Variants in PCNX1 observed in about 807,000 individuals in gnomAD.
The protein encoded by PCNX1 is pecanex-like protein 1.
A neutral mutation model predicts 242.2 loss-of-function variants in PCNX1; 78 were observed. That is an observed-to-expected ratio of 0.32 (90% CI 0.27 to 0.39). The LOEUF (loss-of-function observed/expected upper bound fraction) is 0.39, where lower values mean the gene tolerates loss of function less well. PCNX1 is among the 10% of genes least tolerant of loss of function. The pLI is 1.00. For synonymous variants in PCNX1, 1,024 were observed against 1,032.9 expected (o/e 0.99, Z 0.17); for missense variants, 2,581 against 2,856.5 (o/e 0.90, Z 2.20).
chr14:70,907,807 G>C lies in PCNX1; in HGVS notation c.-44G>C, dbSNP rs2055623532. On this transcript the variant is annotated 5_prime_UTR_variant, in exon 1 of 36. Transcript: ENST00000304743. Reference sequence around the variant, plus strand: ...GAGGCCGAGCTGGGGCCGGGGCGGGGACGGCGGCGGCGGCGGCGGCGACGG... The same window carrying C: ...GAGGCCGAGCTGGGGCCGGGGCGGGCACGGCGGCGGCGGCGGCGGCGACGG... The C allele has an allele frequency of 9.7e-6, 12 of 1,234,576 alleles. No homozygotes were observed. Among genetic ancestry groups the C allele is most frequent in the Middle Eastern group, 3.2e-4 (1 of 3,108 alleles). The allele number at this position is 1,234,576 out of a possible 1,614,324, so 76.5% of individuals were successfully genotyped here.
intron 17 of PCNX1, 78 bp from the exon 18 acceptor site, chr14:71,033,853 C>T (rs1205391442): frequency 6.4e-6 from 5 of 779,058 alleles, no homozygotes; most frequent in Non-Finnish European, 1.1e-5. Flanking sequence ...GGTTTTCTAT[C>T]ATAAACTTCA....
chr14:71,050,603 C>T, intron 22 of PCNX1, 49 bp from the exon 23 acceptor site: 1 of 1,482,778 alleles, frequency 6.7e-7, no homozygotes, highest in Non-Finnish European at 9.1e-7. Flanking sequence ...ATTCAAATAT[C>T]TGATAAGTTT....
chr14:71,015,457 C>A (rs142697359), intron 11 of PCNX1, among the ~76,000 whole-genome samples: 249 of 152,172 alleles, frequency 1.6e-3, no homozygotes, highest in African/African-American at 5.7e-3. Context: ...TTGTAAGTTT[C>A]TTATATGTAA....
At chr14:70,969,308 T>C (rs937792855) in intron 5 of PCNX1, 198 bp downstream of exon 5, 3 of 486,258 alleles carry the variant, frequency 6.2e-6, no homozygotes, top group East Asian at 3.6e-5. Flanking sequence ...CAGTTATACA[T>C]GTTCTGCCAG....
chr14:71,053,723 A>G (rs34257131), intron 24 of PCNX1, among the ~76,000 whole-genome samples: 54,471 of 152,148 alleles, frequency 0.36, 10,038 homozygotes, highest in East Asian at 0.62. Flanking sequence ...TCAAATGTTT[A>G]CTTATTAACT....
intron 1 of PCNX1, among the ~76,000 whole-genome samples, chr14:70,934,362 AGAAAACAAAGT>A (rs1193860724): frequency 1.3e-5 from 2 of 151,664 alleles, no homozygotes; most frequent in African/African-American, 4.8e-5. Flanking sequence ...CTTACTGGAG[AGAAAACAAAGT>A]GAAATATTTA....
intron 6 of PCNX1, among the ~76,000 whole-genome samples, chr14:70,980,122 G>GA (rs2058795105): frequency 6.6e-6 from 1 of 151,988 alleles, no homozygotes; most frequent in South Asian, 2.1e-4. Flanking sequence ...TGCTATGATA[G>GA]AAAAATATTG....
chr14:71,094,256 A>G (rs2062213331), intron 30 of PCNX1, among the ~76,000 whole-genome samples: 1 of 152,240 alleles, frequency 6.6e-6, no homozygotes, highest in South Asian at 2.1e-4. Flanking sequence ...GAAACTGATA[A>G]CAAACAGTAG....
intron 30 of PCNX1, among the ~76,000 whole-genome samples, chr14:71,098,553 T>TGTGTGTGTGTGA (rs60367565): frequency 5.6e-5 from 7 of 125,736 alleles, no homozygotes; most frequent in East Asian, 2.4e-4. Context: ...TGTGTGTGTG[T>TGTGTGTGTGTGA]GAGAGAGAGA....
At chr14:70,990,689 C>A (rs531948090) in intron 7 of PCNX1, among the ~76,000 whole-genome samples, 5 of 152,084 alleles carry the variant, frequency 3.3e-5, no homozygotes, top group African/African-American at 9.6e-5. Flanking sequence ...AATGAGAAGA[C>A]AATCAATTTA....
chr14:70,939,410 A>C (rs2057141824), intron 1 of PCNX1, among the ~76,000 whole-genome samples: 1 of 152,218 alleles, frequency 6.6e-6, no homozygotes, highest in Admixed American at 6.5e-5. Context: ...ATTCAGGAGC[A>C]GGTTGTACAG....
chr14:71,054,920 T>C (rs1341106498), intron 24 of PCNX1, among the ~76,000 whole-genome samples: 1 of 152,222 alleles, frequency 6.6e-6, no homozygotes, highest in East Asian at 1.9e-4. Context: ...AACAGTTTGG[T>C]GCTGCTGCCT....
intron 26 of PCNX1, among the ~76,000 whole-genome samples, chr14:71,066,174 A>G (rs893496505): frequency 9.9e-5 from 15 of 152,256 alleles, no homozygotes; most frequent in African/African-American, 3.6e-4. Context: ...CTTGATGGGG[A>G]TAGCATTGAA....
At chr14:71,036,270 C>G in intron 19 of PCNX1, 113 bp downstream of exon 19, 1 of 699,264 alleles carries the variant, frequency 1.4e-6, no homozygotes, top group Middle Eastern at 2.9e-4. Flanking sequence ...CCTTGAATCC[C>G]TGGGCTCAAG....
chr14:71,060,179 A>G (rs1262493233), intron 26 of PCNX1, among the ~76,000 whole-genome samples: 1 of 152,238 alleles, frequency 6.6e-6, no homozygotes, highest in African/African-American at 2.4e-5. Flanking sequence ...TGTTAGTGAC[A>G]TCGTAGCCAT....
At chr14:71,039,430 C>T (rs1319365133) in intron 19 of PCNX1, among the ~76,000 whole-genome samples, 2 of 152,110 alleles carry the variant, frequency 1.3e-5, no homozygotes, top group Admixed American at 6.6e-5. Context: ...TGGTCCTCAC[C>T]ATAGGCTGCC....
chr14:71,062,373 C>T (rs34119685), intron 26 of PCNX1, among the ~76,000 whole-genome samples: 17,426 of 150,876 alleles, frequency 0.12, 1,101 homozygotes, highest in Admixed American at 0.19. Flanking sequence ...TAGTTTTTAA[C>T]AAAAAAGCTT....
chr14:71,019,111 G>T lies in PCNX1; in HGVS notation c.3099G>T (p.Trp1033Cys). The T allele has an allele frequency of 6.2e-7, 1 of 1,613,002 alleles. No individual in the cohort carries two copies. Among genetic ancestry groups the T allele is most frequent in the African/African-American group, 1.3e-5 (1 of 74,926 alleles). ...LLIQGFFRDI[W>C]VFQFCLVIAS... ...TACAAGGATTCTTCAGAGATATCTG[G>T]GTCTTCCAGTTCTGCCTCGTCATAG... is the stretch of plus-strand genomic sequence containing the variant. The change falls in exon 12 of 36, where the codon TGG becomes TGT. Residue 1033 changes from tryptophan to cysteine, a missense_variant. Physicochemically the swap from Trp to Cys is radical, Grantham distance 215. Transcript: ENST00000304743.
At chr14:71,005,215 G>A (rs887546627) in intron 8 of PCNX1, among the ~76,000 whole-genome samples, 22 of 152,136 alleles carry the variant, frequency 1.4e-4, no homozygotes, top group Non-Finnish European at 2.9e-4. Flanking sequence ...TGTCAAGAAT[G>A]CAACAGGCTG....
Sources: allele counts gnomAD v4.1 joint callset (sites outside exome capture counted in the v4.1 genomes callset), GRCh38; gene constraint gnomAD v4.1.1; transcripts MANE v1.5; gene names NCBI Gene and HGNC (gene_info 2026-07-23, HGNC 2026-07-21).